USP28: variants seen among roughly 807,000 people sequenced by gnomAD.
The protein encoded by USP28 is ubiquitin carboxyl-terminal hydrolase 28.
Under a neutral mutation model 145.0 loss-of-function variants are expected in USP28, and 113 were observed. The observed-to-expected ratio is 0.78, with a 90% confidence interval of 0.67 to 0.91. The LOEUF (loss-of-function observed/expected upper bound fraction) is 0.91, where lower values mean the gene tolerates loss of function less well. Ranked by LOEUF, USP28 falls within the 40% of genes least tolerant of loss-of-function variation. The pLI, the probability that USP28 is intolerant of heterozygous loss-of-function variation, is 0.00. For synonymous variants in USP28, 447 were observed against 450.9 expected (o/e 0.99, Z 0.11); for missense variants, 1,201 against 1,289.6 (o/e 0.93, Z 1.05).
intron 23 of USP28, 139 bp from the exon 25 acceptor site, chr11:113,801,817 G>T: frequency 1.7e-6 from 1 of 604,700 alleles, no homozygotes; most frequent in Non-Finnish European, 2.7e-6. Flanking sequence ...ACTGATGCCT[G>T]GTTCCCACTT....
intron 2 of USP28, among the ~76,000 whole-genome samples, chr11:113,853,644 TC>T (rs1187828301): frequency 6.6e-6 from 1 of 151,944 alleles, no homozygotes; most frequent in African/African-American, 2.4e-5. Flanking sequence ...GGAGGCCAGG[TC>T]GGGTGGATCA....
chr11:113,831,870 C>T, intron 8 of USP28, 50 bp downstream of exon 8: 1 of 1,564,042 alleles, frequency 6.4e-7, no homozygotes, highest in Non-Finnish European at 8.8e-7. Context: ...ATAATTCTCA[C>T]TGGCCCACTG....
intron 3 of USP28, among the ~76,000 whole-genome samples, chr11:113,850,177 A>G (rs1325417715): frequency 1.3e-5 from 2 of 152,156 alleles, no homozygotes; most frequent in Non-Finnish European, 2.9e-5. Flanking sequence ...TAGGTAAAAA[A>G]TTATTTTGGA....
chr11:113,853,465 G>A (rs954164021), intron 2 of USP28, among the ~76,000 whole-genome samples: 7 of 152,086 alleles, frequency 4.6e-5, no homozygotes, highest in South Asian at 2.1e-4. Flanking sequence ...CAATTACCTA[G>A]TCACTTAGTC....
At chr11:113,857,505 T>C (rs1278287976) in intron 1 of USP28, among the ~76,000 whole-genome samples, 1 of 152,224 alleles carries the variant, frequency 6.6e-6, no homozygotes, top group East Asian at 1.9e-4. Context: ...TTAAGTGACA[T>C]ACGCAATGGC....
At chr11:113,799,578 CAAAT>C (rs1938562264) in intron 24 of USP28, among the ~76,000 whole-genome samples, 163 bp from the exon 26 acceptor site, 2 of 152,152 alleles carry the variant, frequency 1.3e-5, no homozygotes, top group South Asian at 4.1e-4. Flanking sequence ...GGAGCAAAGG[CAAAT>C]AAACCAAACT....
chr11:113,838,035 C>T (rs1276299144), intron 5 of USP28, among the ~76,000 whole-genome samples: 2 of 152,104 alleles, frequency 1.3e-5, no homozygotes, highest in African/African-American at 4.8e-5. Flanking sequence ...CTCTAATTTG[C>T]AGTTATCATT....
intron 5 of USP28, among the ~76,000 whole-genome samples, chr11:113,836,017 G>C (rs1007933703): frequency 2.0e-5 from 3 of 152,158 alleles, no homozygotes; most frequent in African/African-American, 7.2e-5. Flanking sequence ...GGCAGAGGTT[G>C]CCGTGAGCCG....
chr11:113,809,946 A>C (rs541269538), intron 16 of USP28, among the ~76,000 whole-genome samples: 2 of 151,898 alleles, frequency 1.3e-5, no homozygotes, highest in East Asian at 3.9e-4. Context: ...GAAGTGGGAG[A>C]ATCGCTTGAA....
At chr11:113,807,992 T>A in intron 18 of USP28, 1 of 1,201,968 alleles carries the variant, frequency 8.3e-7, no homozygotes, top group Non-Finnish European at 1.0e-6. Context: ...ACCAGAATCC[T>A]TCCCACACTG....
chr11:113,875,537 G>A (rs1277840268), exon 1 of USP28: 6 of 1,136,548 alleles, frequency 5.3e-6, no homozygotes, highest in Non-Finnish European at 6.5e-6. Flanking sequence ...CCGGTCTCCC[G>A]CCGCAGCCGC....
At chr11:113,842,180 GAGAA>G (rs1273070641) in intron 3 of USP28, among the ~76,000 whole-genome samples, 9 of 151,738 alleles carry the variant, frequency 5.9e-5, no homozygotes, top group South Asian at 4.2e-4. Context: ...AGAACGGTAA[GAGAA>G]AGAAAAAGTG....
intron 3 of USP28, among the ~76,000 whole-genome samples, chr11:113,849,366 G>A (rs890697655): frequency 7.9e-5 from 12 of 152,318 alleles, no homozygotes; most frequent in South Asian, 2.1e-4. Context: ...AAGGAAGGAC[G>A]CCAATGGGAT....
At chr11:113,805,187 G>A in intron 19 of USP28, 141 bp from the exon 21 acceptor site, 2 of 748,576 alleles carry the variant, frequency 2.7e-6, no homozygotes, top group South Asian at 2.7e-5. Flanking sequence ...AACAACTATG[G>A]AATTTTTAAG....
At chr11:113,868,715 G>C (rs914499200) in intron 1 of USP28, among the ~76,000 whole-genome samples, 1 of 152,090 alleles carries the variant, frequency 6.6e-6, no homozygotes, top group African/African-American at 2.4e-5. Context: ...GAGCGCGGGA[G>C]TTCAAAACCA....
chr11:113,828,994 C>G (rs1943681478), intron 10 of USP28: 1 of 735,526 alleles, frequency 1.4e-6, no homozygotes. Flanking sequence ...ACGAGTAACT[C>G]AAATTCATAG....
At chr11:113,837,855 T>G (rs1944742135) in intron 5 of USP28, among the ~76,000 whole-genome samples, 1 of 152,172 alleles carries the variant, frequency 6.6e-6, no homozygotes, top group Non-Finnish European at 1.5e-5. Flanking sequence ...TCTTCAAATT[T>G]TTGGAAATCC....
At chr11:113,836,968 G>A (rs748931840) in intron 5 of USP28, among the ~76,000 whole-genome samples, 21 of 152,202 alleles carry the variant, frequency 1.4e-4, no homozygotes, top group Middle Eastern at 3.4e-3. Flanking sequence ...TACCTGGAAT[G>A]TTTTTTTATC....
intron 5 of USP28, among the ~76,000 whole-genome samples, chr11:113,837,476 T>C (rs1363601099): frequency 1.3e-5 from 2 of 152,200 alleles, no homozygotes; most frequent in Non-Finnish European, 2.9e-5. Flanking sequence ...AGTTCGCAGA[T>C]TACACGTTCA....
Sources: allele counts gnomAD v4.1 joint callset (sites outside exome capture counted in the v4.1 genomes callset), GRCh38; gene constraint gnomAD v4.1.1; transcripts MANE v1.5; gene names NCBI Gene and HGNC (gene_info 2026-07-23, HGNC 2026-07-21).